The following CYSLTR2 variants were observed in gnomAD, a reference collection of about 807,000 sequenced individuals.
The protein encoded by CYSLTR2 is G-protein coupled receptor GPCR21.
For missense variants in CYSLTR2, 398 were observed against 411.9 expected (o/e 0.97, Z 0.29); for synonymous variants, 179 against 160.8 (o/e 1.11, Z -0.86).
chr13:48,675,886 C>T (rs967775761), intron 1 of CYSLTR2, among the ~76,000 whole-genome samples: 2 of 152,196 alleles, frequency 1.3e-5, no homozygotes, highest in Non-Finnish European at 2.9e-5. Context: ...TCAAGGCTTC[C>T]CTTGGCTAGG....
chr13:48,701,161 G>C (rs1954333477), intron 4 of CYSLTR2, among the ~76,000 whole-genome samples: 1 of 152,208 alleles, frequency 6.6e-6, no homozygotes. Context: ...CCAAAAAAGA[G>C]CCCGCATTGC....
At chr13:48,670,579 G>C (rs571007282) in intron 1 of CYSLTR2, among the ~76,000 whole-genome samples, 1 of 152,304 alleles carries the variant, frequency 6.6e-6, no homozygotes, top group Admixed American at 6.5e-5. Flanking sequence ...TCAAAGATCA[G>C]ATGGGAGCAG....
chr13:48,684,457 C>T (rs1397855746), intron 1 of CYSLTR2, among the ~76,000 whole-genome samples: 1 of 151,440 alleles, frequency 6.6e-6, no homozygotes, highest in Non-Finnish European at 1.5e-5. Context: ...ACTTTTTATA[C>T]CTTATGTGAA....
At chr13:48,686,474 G>A (rs117780041) in intron 1 of CYSLTR2, among the ~76,000 whole-genome samples, 8,038 of 152,224 alleles carry the variant, frequency 0.053, 338 homozygotes, top group Middle Eastern at 0.12. Flanking sequence ...CAGGAAGCAG[G>A]ACTTTGCAGA....
chr13:48,697,232 C>T (rs1279965934), intron 4 of CYSLTR2, among the ~76,000 whole-genome samples: 2 of 152,114 alleles, frequency 1.3e-5, no homozygotes, highest in South Asian at 2.1e-4. Context: ...CCCTGACCCC[C>T]GAGTAGCCTA....
chr13:48,670,047 C>T (rs1566084987), intron 1 of CYSLTR2, among the ~76,000 whole-genome samples: 1 of 152,256 alleles, frequency 6.6e-6, no homozygotes, highest in East Asian at 1.9e-4. Flanking sequence ...AGCTTTTCTT[C>T]ATATGTTTGT....
At chr13:48,698,097 T>G (rs908747816) in intron 4 of CYSLTR2, among the ~76,000 whole-genome samples, 3 of 152,158 alleles carry the variant, frequency 2.0e-5, no homozygotes, top group East Asian at 1.9e-4. Context: ...AAAACACTCT[T>G]CAGGATATTA....
chr13:48,656,500 G>A (rs1953001476), intron 1 of CYSLTR2, among the ~76,000 whole-genome samples: 1 of 152,148 alleles, frequency 6.6e-6, no homozygotes, highest in Non-Finnish European at 1.5e-5. Context: ...CTAAAAGGCA[G>A]AGTTGAAACT....
chr13:48,670,502 C>T (rs552853533), intron 1 of CYSLTR2, among the ~76,000 whole-genome samples: 2 of 152,278 alleles, frequency 1.3e-5, no homozygotes, highest in East Asian at 3.9e-4. Context: ...ATATGGCTAA[C>T]CAGTTTTCTC....
Position 48,692,697 on chromosome 13 carries a change from T to C in CYSLTR2, c.-175-741T>C, listed in dbSNP as rs116875521. Among the ~76,000 whole-genome samples, 665 of 151,362 alleles carry C rather than the reference T, an allele frequency of 4.4e-3. 3 individuals are homozygous for C. Among genetic ancestry groups the C allele is most frequent in the Middle Eastern group, 0.017 (2 of 120 alleles). On this transcript the variant is annotated intron_variant, in intron 2 of 4. Coordinates refer to ENST00000682523, the MANE Select transcript of CYSLTR2 (RefSeq NM_001308476.3). Reference sequence around the variant, plus strand: ...CATTTATATTAATTATCATCTTTAATCAAAGTAATCAACCTTCCTTTTCTT... The same window carrying C: ...CATTTATATTAATTATCATCTTTAACCAAAGTAATCAACCTTCCTTTTCTT...
chr13:48,706,466 C>A (rs1255970390), intron 4 of CYSLTR2: 6 of 194,090 alleles, frequency 3.1e-5, no homozygotes, highest in Non-Finnish European at 5.3e-5. Context: ...TTCTGTCCTC[C>A]ATAGTTTCTG....
In CYSLTR2 at chr13:48,666,765, CT is replaced by C. The variant is rs559105169; in HGVS notation, c.-266+12755del. 1.2e-3 allele frequency among the ~76,000 whole-genome samples: 183 copies of C among 152,108 alleles called. 1 individual carries two copies. The highest frequency in any genetic ancestry group is 3.0e-3 in the African/African-American group (125 of 41,534). On this transcript the variant is annotated intron_variant, in intron 1 of 4. Coordinates refer to ENST00000682523, the MANE Select transcript of CYSLTR2 (RefSeq NM_001308476.3). ...TTTGGTTCTTTTTTATGATAACTAT[CT>C]TTTTTTGTTGAATTTCTCATTCAAA...
intron 1 of CYSLTR2, among the ~76,000 whole-genome samples, chr13:48,686,511 A>C (rs1439865876): frequency 6.6e-6 from 1 of 152,198 alleles, no homozygotes; most frequent in African/African-American, 2.4e-5. Flanking sequence ...AGTTCTTCTA[A>C]TAGACTCTGA....
intron 1 of CYSLTR2, among the ~76,000 whole-genome samples, chr13:48,679,999 G>C (rs1953706810): frequency 6.6e-6 from 1 of 152,160 alleles, no homozygotes; most frequent in South Asian, 2.1e-4. Context: ...TTCCCCCTCT[G>C]TCTCAGGACT....
rs925186119 is a variant in CYSLTR2 at position 48,709,858 on chromosome 13, G to A, written c.*2000G>A. On this transcript the variant is annotated 3_prime_UTR_variant, in exon 5 of 5. Coordinates refer to ENST00000682523, the MANE Select transcript of CYSLTR2 (RefSeq NM_001308476.3). The stretch of plus-strand genomic sequence containing the variant: ...GGTGTGTAGCAGGCTTAGAAAGCAA[G>A]TCATTCATGTTGGAGCAGGACTCTT... 6.6e-6 allele frequency: 1 copy of A among 152,198 alleles called. No homozygotes were observed. Among genetic ancestry groups the A allele is most frequent in the African/African-American group, 2.4e-5 (1 of 41,456 alleles). 9.4% of individuals were successfully genotyped at this position (152,198 alleles called of 1,614,324 possible).
At position 48,654,251 on chromosome 13, in the gene CYSLTR2, T is replaced by TTGTGTG. The variant is rs372575519; in HGVS notation, c.-266+283_-266+288dup. 1.9e-3 allele frequency among the ~76,000 whole-genome samples: 252 copies of TTGTGTG among 129,298 alleles called. 3 individuals are homozygous for TTGTGTG. The highest frequency in any genetic ancestry group is 2.8e-3 in the Non-Finnish European group (168 of 60,330). The allele number at this position is 129,298 out of a possible 152,430, so 84.8% of individuals were successfully genotyped here. A position where few individuals can be genotyped will look rare whatever the true frequency, so the allele number is the denominator to read the frequency against. ...TATTGATATTTTGGGGATCGTCCCTTTGTGTGTGTGTGTGTGTGTGTGTGT... is the reference window on the plus strand; with the variant it reads ...TATTGATATTTTGGGGATCGTCCCTTTGTGTGTGTGTGTGTGTGTGTGTGTGTGTGT... On this transcript the variant is annotated intron_variant, in intron 1 of 4. Transcript: ENST00000682523.
chr13:48,654,483 A>G (rs1225363913), intron 1 of CYSLTR2, among the ~76,000 whole-genome samples: 1 of 152,164 alleles, frequency 6.6e-6, no homozygotes, highest in African/African-American at 2.4e-5. Context: ...GAGGAACTTT[A>G]CTATACTTCC....
chr13:48,665,103 T>C (rs1391561847), intron 1 of CYSLTR2, among the ~76,000 whole-genome samples: 1 of 152,146 alleles, frequency 6.6e-6, no homozygotes, highest in African/African-American at 2.4e-5. Flanking sequence ...TTAATTTCCA[T>C]GTATTTGTAT....
intron 1 of CYSLTR2, among the ~76,000 whole-genome samples, chr13:48,658,096 T>C (rs1191344611): frequency 1.3e-5 from 2 of 152,148 alleles, no homozygotes; most frequent in Non-Finnish European, 2.9e-5. Flanking sequence ...TCCCTTTTAG[T>C]TGTAAGAGGC....
Sources: allele counts gnomAD v4.1 joint callset (sites outside exome capture counted in the v4.1 genomes callset), GRCh38; gene constraint gnomAD v4.1.1; transcripts MANE v1.5; gene names NCBI Gene and HGNC (gene_info 2026-07-23, HGNC 2026-07-21).